TOMM20: variants seen among roughly 807,000 people sequenced by gnomAD.
TOMM20 encodes the protein translocase of outer mitochondrial membrane 20, also known as mitochondrial import receptor subunit TOM20 homolog.
TOMM20 carries 10 observed loss-of-function variants against 22.1 expected under a neutral mutation model. That is an observed-to-expected ratio of 0.45 (90% CI 0.28 to 0.77). The LOEUF (loss-of-function observed/expected upper bound fraction) is 0.77. TOMM20 is among the 30% of genes least tolerant of loss of function. The pLI, the probability that TOMM20 is intolerant of heterozygous loss-of-function variation, is 0.13. For synonymous variants in TOMM20, 55 were observed against 61.4 expected (o/e 0.90, Z 0.49); for missense variants, 121 against 172.2 (o/e 0.70, Z 1.66).
Position 235,128,811 on chromosome 1 carries a change from A to T in TOMM20, c.-96T>A. On this transcript the variant is annotated 5_prime_UTR_variant, in exon 1 of 5. Transcript: ENST00000366607. ...GAGCGGTCGGCGCAGCTCACACCCG[A>T]CGGCCGCGGGCCAGGAACACAGAAA... 2 of 1,562,400 alleles carry T rather than the reference A, an allele frequency of 1.3e-6. No individual in the cohort carries two copies. Among genetic ancestry groups the T allele is most frequent in the Non-Finnish European group, 1.7e-6 (2 of 1,156,264 alleles).
chr1:235,122,426 A>AGAGTGCTC, intron 1 of TOMM20, 54 bp from the exon 2 acceptor site: 1 of 1,516,216 alleles, frequency 6.6e-7, no homozygotes. Context: ...AATGGGAATC[A>AGAGTGCTC]AAAGAATTCT....
chr1:235,119,744 A>G, intron 3 of TOMM20, 74 bp downstream of exon 3: 1 of 986,856 alleles, frequency 1.0e-6, no homozygotes. Context: ...ACACAAACAA[A>G]GCCCCTTATC....
intron 2 of TOMM20, among the ~76,000 whole-genome samples, chr1:235,121,680 C>T (rs1375752380): frequency 2.6e-5 from 4 of 152,176 alleles, no homozygotes; most frequent in Admixed American, 1.3e-4. Context: ...AACAATAGAA[C>T]TCATCTCAAT....
chr1:235,115,013 G>C (rs1369918892), intron 3 of TOMM20, among the ~76,000 whole-genome samples: 3 of 151,920 alleles, frequency 2.0e-5, no homozygotes, highest in Non-Finnish European at 2.9e-5. Flanking sequence ...AGGACCATAG[G>C]TGTGCACCAC....
chr1:235,120,232 G>C (rs1034481612), intron 2 of TOMM20, among the ~76,000 whole-genome samples: 1 of 152,114 alleles, frequency 6.6e-6, no homozygotes, highest in Non-Finnish European at 1.5e-5. Flanking sequence ...TAAGCAATTT[G>C]TCCTTATGAT....
At chr1:235,115,424 T>G (rs1660812742) in intron 3 of TOMM20, among the ~76,000 whole-genome samples, 1 of 151,826 alleles carries the variant, frequency 6.6e-6, no homozygotes. Flanking sequence ...GGTCAGGAGT[T>G]CAGACCAGCC....
chr1:235,128,169 G>T (rs1168787200), intron 1 of TOMM20, among the ~76,000 whole-genome samples: 1 of 152,090 alleles, frequency 6.6e-6, no homozygotes, highest in Non-Finnish European at 1.5e-5. Flanking sequence ...GCGAGATTCC[G>T]TCTCAAAAAA....
At chr1:235,124,844 T>A (rs1450263570) in intron 1 of TOMM20, among the ~76,000 whole-genome samples, 1 of 152,230 alleles carries the variant, frequency 6.6e-6, no homozygotes, top group Non-Finnish European at 1.5e-5. Flanking sequence ...TTTTCAGATA[T>A]AGTATAATGC....
At chr1:235,117,761 G>A (rs896596981) in intron 3 of TOMM20, among the ~76,000 whole-genome samples, 7 of 152,178 alleles carry the variant, frequency 4.6e-5, no homozygotes, top group African/African-American at 1.4e-4. Context: ...TGGCACCTGA[G>A]TATAAGTAAA....
intron 1 of TOMM20, chr1:235,122,605 A>G (rs1660946610): frequency 5.1e-6 from 2 of 390,602 alleles, no homozygotes; most frequent in Admixed American, 4.4e-5. Context: ...AGATCTAGCA[A>G]TTTGCAAGAT....
In TOMM20 at chr1:235,110,126, G is replaced by A. The variant is rs1660716184; in HGVS notation, c.*1938C>T. 1 of 152,070 alleles carries A rather than the reference G, an allele frequency of 6.6e-6. No individual in the cohort carries two copies. Among genetic ancestry groups the A allele is most frequent in the Admixed American group, 6.6e-5 (1 of 15,264 alleles). The allele number at this position is 152,070 out of a possible 1,614,324, so 9.4% of individuals were successfully genotyped here. On this transcript the variant is annotated 3_prime_UTR_variant, in exon 5 of 5. Transcript: ENST00000366607. ...TGAACTGTAAAATGAAGATACCAAC[G>A]CCTTTTCAAGCATTACAGCAAAGCC... is the stretch of plus-strand genomic sequence containing the variant.
chr1:235,109,501 T>G lies in TOMM20; in HGVS notation c.*2563A>C, dbSNP rs548114663. ...CATCTCATTAACACTCTGGTCCACATGTTGATTTAATAAAGTCAGAATGGC... is the reference window on the plus strand; with the variant it reads ...CATCTCATTAACACTCTGGTCCACAGGTTGATTTAATAAAGTCAGAATGGC... On this transcript the variant is annotated 3_prime_UTR_variant, in exon 5 of 5. Transcript: ENST00000366607. 3 of 152,360 alleles carry G rather than the reference T, an allele frequency of 2.0e-5. No homozygotes were observed. In the East Asian group the frequency reaches 5.8e-4, roughly 29 times the overall value. The allele number at this position is 152,360 out of a possible 1,614,324, so 9.4% of individuals were successfully genotyped here. A position where few individuals can be genotyped will look rare whatever the true frequency, so the allele number is the denominator to read the frequency against.
At chr1:235,116,278 C>T (rs766363457) in intron 3 of TOMM20, among the ~76,000 whole-genome samples, 11 of 151,928 alleles carry the variant, frequency 7.2e-5, no homozygotes, top group African/African-American at 2.4e-4. Context: ...TGGTGGTTCA[C>T]GCCTGTAATC....
At chr1:235,112,692 T>C (rs933510434) in intron 4 of TOMM20, among the ~76,000 whole-genome samples, 2 of 152,094 alleles carry the variant, frequency 1.3e-5, no homozygotes, top group African/African-American at 4.8e-5. Context: ...CTCTTTTCAC[T>C]CCCAGGCAAA....
chr1:235,122,291 A>G (rs1222819962), intron 2 of TOMM20, 35 bp downstream of exon 2: 8 of 1,443,178 alleles, frequency 5.5e-6, no homozygotes, highest in Non-Finnish European at 7.4e-6. Flanking sequence ...ATATTTCTAC[A>G]AAATATATAA....
chr1:235,114,251 A>C (rs1290870329), intron 3 of TOMM20, among the ~76,000 whole-genome samples: 1 of 152,194 alleles, frequency 6.6e-6, no homozygotes, highest in East Asian at 1.9e-4. Context: ...CAGAACTAAA[A>C]GACTGGGGAC....
At position 235,109,577 on chromosome 1, in the gene TOMM20, A is replaced by G. The variant is rs183335513; in HGVS notation, c.*2487T>C. 1.1e-4 allele frequency: 17 copies of G among 152,310 alleles called. No individual in the cohort carries two copies. The highest frequency in any genetic ancestry group is 3.6e-4 in the African/African-American group (15 of 41,564). The allele number at this position is 152,310 out of a possible 1,614,324, so 9.4% of individuals were successfully genotyped here. A position where few individuals can be genotyped will look rare whatever the true frequency, so the allele number is the denominator to read the frequency against. ...TACCAAGGGGCAAAAGGAACCAAAC[A>G]TTTACTGAGTGCCGACTATGCAAGC... On this transcript the variant is annotated 3_prime_UTR_variant, in exon 5 of 5. Transcript: ENST00000366607.
chr1:235,110,369 C>T lies in TOMM20; in HGVS notation c.*1695G>A, dbSNP rs1420385478. On this transcript the variant is annotated 3_prime_UTR_variant, in exon 5 of 5. Transcript: ENST00000366607. ...CCCTCTATACATGTCTGGGCTGCTG[C>T]CTAAGACTTCTTAGCTGCCTGGTTA... 1 of 152,170 alleles carries T rather than the reference C, an allele frequency of 6.6e-6. No individual in the cohort carries two copies. Among genetic ancestry groups the T allele is most frequent in the Non-Finnish European group, 1.5e-5 (1 of 68,092 alleles). 9.4% of individuals were successfully genotyped at this position (152,170 alleles called of 1,614,324 possible).
At chr1:235,112,832 C>G (rs1012771671) in intron 4 of TOMM20, among the ~76,000 whole-genome samples, 2 of 152,200 alleles carry the variant, frequency 1.3e-5, no homozygotes, top group African/African-American at 4.8e-5. Context: ...TGCTGCCTTT[C>G]AAATAGCGTA....
Sources: allele counts gnomAD v4.1 joint callset (sites outside exome capture counted in the v4.1 genomes callset), GRCh38; gene constraint gnomAD v4.1.1; transcripts MANE v1.5; gene names NCBI Gene and HGNC (gene_info 2026-07-23, HGNC 2026-07-21).